Variants in DOCK1 observed in about 807,000 individuals in gnomAD.
DOCK1 encodes dedicator of cytokinesis 1.
Under a neutral mutation model 262.7 loss-of-function variants are expected in DOCK1, and 138 were observed. The observed-to-expected ratio is 0.53, with a 90% CI of 0.46 to 0.61. DOCK1 has a LOEUF of 0.61. Ranked by LOEUF, DOCK1 falls within the 20% of genes least tolerant of loss-of-function variation. The pLI, the probability that DOCK1 is intolerant of heterozygous loss-of-function variation, is 0.00. For missense variants in DOCK1, 1,908 were observed against 2,370.7 expected, an observed-to-expected ratio of 0.80 and a Z score of 4.05; for synonymous variants, 866 against 867.4, an observed-to-expected ratio of 1.00 and a Z score of 0.03.
chr10:127,120,078 T>G (rs948837547), intron 25 of DOCK1, among the ~76,000 whole-genome samples: 3 of 152,186 alleles, frequency 2.0e-5, no homozygotes, highest in Non-Finnish European at 4.4e-5. Flanking sequence ...CACAGCTGAT[T>G]TGCATGGAGC....
intron 24 of DOCK1, among the ~76,000 whole-genome samples, 189 bp downstream of exon 24, chr10:127,106,490 T>TG (rs2048537606): frequency 6.6e-6 from 1 of 152,170 alleles, no homozygotes; most frequent in African/African-American, 2.4e-5. Context: ...GTGGAAAAGG[T>TG]ATCACCAGTC....
At chr10:126,938,812 T>TGAACACAGGAGGGGAC (rs2034742722) in intron 1 of DOCK1, among the ~76,000 whole-genome samples, 3 of 48,174 alleles carry the variant, frequency 6.2e-5, no homozygotes, top group African/African-American at 1.9e-4. Flanking sequence ...CCGGAGGGGA[T>TGAACACAGGAGGGGAC]GAACACAGGA....
intron 2 of DOCK1, among the ~76,000 whole-genome samples, chr10:126,974,498 G>A (rs1321853097): frequency 6.6e-6 from 1 of 152,116 alleles, no homozygotes; most frequent in African/African-American, 2.4e-5. Context: ...TTTTGGAGCA[G>A]GTTGGTTGAC....
At chr10:127,104,168 G>T (rs1381853248) in intron 23 of DOCK1, among the ~76,000 whole-genome samples, 1 of 152,100 alleles carries the variant, frequency 6.6e-6, no homozygotes, top group Admixed American at 6.5e-5. Flanking sequence ...TGTATTCTGT[G>T]TACTAATCTT....
chr10:127,154,105 C>T (rs1251710924), intron 27 of DOCK1, among the ~76,000 whole-genome samples: 4 of 152,182 alleles, frequency 2.6e-5, no homozygotes, highest in African/African-American at 9.7e-5. Context: ...CAATGCAACA[C>T]CTACAGCTAA....
chr10:127,092,105 G>T (rs2136104936), intron 23 of DOCK1, among the ~76,000 whole-genome samples: 1 of 152,316 alleles, frequency 6.6e-6, no homozygotes, highest in East Asian at 1.9e-4. Flanking sequence ...CCTGTGCCCA[G>T]TGGTGACTGT....
chr10:127,386,068 C>T (rs1451123379), intron 38 of DOCK1, among the ~76,000 whole-genome samples: 1 of 152,210 alleles, frequency 6.6e-6, no homozygotes, highest in East Asian at 1.9e-4. Flanking sequence ...ATGATGGCTG[C>T]CCCTTTTTGT....
chr10:126,988,503 C>T (rs1271169826), intron 5 of DOCK1: 1 of 152,126 alleles, frequency 6.6e-6, no homozygotes, highest in Non-Finnish European at 1.5e-5. Flanking sequence ...ACTGAAAAAC[C>T]TAAAAGCGTA....
At chr10:126,971,191 C>A (rs1234785238) in intron 2 of DOCK1, among the ~76,000 whole-genome samples, 1 of 151,920 alleles carries the variant, frequency 6.6e-6, no homozygotes, top group Admixed American at 6.6e-5. Context: ...GCTGGGATTA[C>A]AGGTGCCCGC....
chr10:127,448,509 A>G (rs2070739670), intron 51 of DOCK1, among the ~76,000 whole-genome samples: 1 of 152,142 alleles, frequency 6.6e-6, no homozygotes, highest in South Asian at 2.1e-4. Flanking sequence ...GGGCCCAGGC[A>G]TGTGTGGAGG....
At chr10:127,399,743 A>T (rs2067112881) in intron 38 of DOCK1, among the ~76,000 whole-genome samples, 2 of 151,406 alleles carry the variant, frequency 1.3e-5, no homozygotes, top group Non-Finnish European at 3.0e-5. Context: ...AATTTAAAAA[A>T]AAATAAGAAG....
chr10:126,957,399 C>T (rs1255219400), intron 1 of DOCK1, among the ~76,000 whole-genome samples: 1 of 152,162 alleles, frequency 6.6e-6, no homozygotes, highest in Non-Finnish European at 1.5e-5. Flanking sequence ...CGCCTCCCAT[C>T]AAAGTGGAAA....
intron 1 of DOCK1, among the ~76,000 whole-genome samples, chr10:126,941,492 CA>C (rs1424586627): frequency 2.7e-4 from 41 of 152,332 alleles, no homozygotes; most frequent in South Asian, 4.1e-4. Flanking sequence ...CACAGTGGCT[CA>C]TGCCTGTAAT....
intron 31 of DOCK1, among the ~76,000 whole-genome samples, chr10:127,346,287 C>T (rs1590605837): frequency 6.6e-6 from 1 of 152,322 alleles, no homozygotes; most frequent in African/African-American, 2.4e-5. Context: ...CGTTAAGAGC[C>T]TAAGGCAACA....
At chr10:127,242,423 A>G (rs565973227) in intron 27 of DOCK1, among the ~76,000 whole-genome samples, 1 of 152,302 alleles carries the variant, frequency 6.6e-6, no homozygotes, top group South Asian at 2.1e-4. Context: ...TTCCCTCTAC[A>G]AAAGAGAAAG....
chr10:127,295,834 G>C (rs1438004349), intron 29 of DOCK1, among the ~76,000 whole-genome samples: 1 of 152,130 alleles, frequency 6.6e-6, no homozygotes, highest in Non-Finnish European at 1.5e-5. Flanking sequence ...AGTTCCTTTT[G>C]TTCTTAAGAG....
intron 40 of DOCK1, among the ~76,000 whole-genome samples, chr10:127,406,524 G>A (rs1439907096): frequency 1.3e-5 from 2 of 152,170 alleles, no homozygotes; most frequent in African/African-American, 4.8e-5. Context: ...GGGTCAATCT[G>A]CCAATGACAC....
chr10:126,949,260 C>A (rs2035955239), intron 1 of DOCK1, among the ~76,000 whole-genome samples: 1 of 152,080 alleles, frequency 6.6e-6, no homozygotes, highest in Admixed American at 6.6e-5. Flanking sequence ...CAGCCCTCTC[C>A]CTGTGGGGAA....
intron 23 of DOCK1, among the ~76,000 whole-genome samples, chr10:127,066,146 C>A (rs918351828): frequency 6.6e-6 from 1 of 152,106 alleles, no homozygotes; most frequent in Non-Finnish European, 1.5e-5. Flanking sequence ...GCCCCATTGC[C>A]TCTGCCCTCG....
Sources: gnomAD v4.1 joint callset for allele counts (sites outside exome capture counted in the v4.1 genomes callset) on GRCh38, gnomAD v4.1.1 for gene constraint, MANE v1.5 for transcripts, NCBI Gene and HGNC (gene_info 2026-07-23, HGNC 2026-07-21) for gene names.